CRTAC1: variants seen among roughly 807,000 people sequenced by gnomAD.
The protein encoded by CRTAC1 is cartilage acidic protein 1.
CRTAC1 carries 37 observed loss-of-function variants against 67.8 expected under a neutral mutation model. The observed-to-expected ratio is 0.55, with a 90% CI of 0.42 to 0.72. CRTAC1 has a LOEUF of 0.72. Ranked by LOEUF, CRTAC1 falls within the 30% of genes least tolerant of loss-of-function variation. The probability of loss-of-function intolerance (pLI) is 0.00; values close to 1 mark genes in which losing one functional copy is unlikely to be tolerated. For missense variants in CRTAC1, 780 were observed against 931.6 expected (o/e 0.84, Z 2.12); for synonymous variants, 348 against 371.0 (o/e 0.94, Z 0.71).
At chr10:98,016,642 T>C (rs1402104016) in intron 1 of CRTAC1, among the ~76,000 whole-genome samples, 1 of 152,134 alleles carries the variant, frequency 6.6e-6, no homozygotes, top group East Asian at 1.9e-4. Context: ...CCAGGTCCCT[T>C]ACCCAGTTTC....
intron 2 of CRTAC1, among the ~76,000 whole-genome samples, chr10:97,996,794 T>C (rs565206800): frequency 3.3e-5 from 5 of 152,318 alleles, no homozygotes; most frequent in East Asian, 1.9e-4. Flanking sequence ...TGTATGTTTA[T>C]TGCAGCACTA....
intron 13 of CRTAC1, among the ~76,000 whole-genome samples, chr10:97,880,805 G>T (rs1477906432): frequency 1.3e-5 from 2 of 151,998 alleles, no homozygotes; most frequent in African/African-American, 2.4e-5. Context: ...ATTCTGCCCT[G>T]CCCTGCCCAT....
chr10:97,867,621 C>T (rs928640643), intron 14 of CRTAC1: 2 of 152,334 alleles, frequency 1.3e-5, no homozygotes, highest in Admixed American at 6.5e-5. Flanking sequence ...CTATGCCCTC[C>T]CTGGGCCCCT....
chr10:97,924,711 A>T (rs530608097), intron 3 of CRTAC1, among the ~76,000 whole-genome samples: 30 of 152,310 alleles, frequency 2.0e-4, no homozygotes, highest in African/African-American at 7.2e-4. Flanking sequence ...TGGTCCCCCC[A>T]CCAAAGTGGT....
intron 11 of CRTAC1, among the ~76,000 whole-genome samples, chr10:97,889,125 A>G (rs1266857480): frequency 1.6e-3 from 5 of 3,202 alleles, no homozygotes; most frequent in South Asian, 7.7e-3. Flanking sequence ...TGGAGGCGGG[A>G]GGGAAGGGGG....
intron 2 of CRTAC1, among the ~76,000 whole-genome samples, chr10:97,967,647 C>G (rs1046083404): frequency 6.6e-6 from 1 of 152,254 alleles, no homozygotes; most frequent in East Asian, 1.9e-4. Flanking sequence ...AACTCTAATC[C>G]ATTACCACAT....
At chr10:97,867,637 G>T (rs1263662792) in intron 14 of CRTAC1, 2 of 152,172 alleles carry the variant, frequency 1.3e-5, no homozygotes, top group African/African-American at 4.8e-5. Flanking sequence ...CCCCTGTGGG[G>T]CTGGGCATTG....
At chr10:97,905,372 C>T (rs1340770743) in intron 6 of CRTAC1, among the ~76,000 whole-genome samples, 1 of 152,166 alleles carries the variant, frequency 6.6e-6, no homozygotes, top group Non-Finnish European at 1.5e-5. Context: ...GGATGCTCTC[C>T]CTCTAGCTCT....
At chr10:97,876,163 A>G (rs1039025092) in intron 14 of CRTAC1, among the ~76,000 whole-genome samples, 11 of 152,134 alleles carry the variant, frequency 7.2e-5, no homozygotes, top group African/African-American at 2.4e-4. Context: ...CACCATCCCA[A>G]ATGAAGAAGG....
At chr10:98,008,127 C>T (rs1052492659) in intron 2 of CRTAC1, among the ~76,000 whole-genome samples, 1 of 152,148 alleles carries the variant, frequency 6.6e-6, no homozygotes, top group Admixed American at 6.5e-5. Flanking sequence ...TACCAAACAG[C>T]TCTGCTTCTT....
intron 9 of CRTAC1, 76 bp downstream of exon 9, chr10:97,896,832 GT>G: frequency 3.7e-6 from 1 of 266,846 alleles, no homozygotes; most frequent in Non-Finnish European, 8.1e-6. Context: ...TGGCTGCCCC[GT>G]CCCTCCCGCC....
intron 14 of CRTAC1, among the ~76,000 whole-genome samples, chr10:97,875,527 T>G (rs1248951811): frequency 3.9e-5 from 6 of 152,242 alleles, no homozygotes; most frequent in African/African-American, 1.4e-4. Context: ...AGGATATGCC[T>G]GTTGCTACAG....
intron 14 of CRTAC1, chr10:97,879,855 GGGGACGGGGT>G: frequency 6.5e-6 from 8 of 1,238,376 alleles, no homozygotes; most frequent in East Asian, 5.3e-5. Context: ...GAAAGGGGGT[GGGGACGGGGT>G]GGGGGTGGAG....
rs1046883610 is a variant in CRTAC1, at chr10:97,895,637, C to T, written c.1318-224G>A. On this transcript the variant is annotated intron_variant, in intron 10 of 14. Coordinates refer to ENST00000370597, the MANE Select transcript of CRTAC1 (RefSeq NM_018058.7). The surrounding 1 kb of genome is among the most constrained non-coding windows in gnomAD (Gnocchi z 4.2). ...CACTGCAGACAGAGGAGACAAAAGC[C>T]GAGGGACTCAGGGCACAGTGTTTGG... Among the ~76,000 whole-genome samples the T allele has an allele frequency of 4.6e-5, 7 of 152,280 alleles. No individual in the cohort carries two copies. The highest frequency in any genetic ancestry group is 1.3e-4 in the Admixed American group (2 of 15,302).
intron 5 of CRTAC1, among the ~76,000 whole-genome samples, chr10:97,909,478 C>T (rs2136576945): frequency 6.6e-6 from 1 of 152,280 alleles, no homozygotes; most frequent in Non-Finnish European, 1.5e-5. Context: ...GCTTTTTCTA[C>T]TTTGGGGTTT....
chr10:97,935,092 G>A (rs1056936632), intron 3 of CRTAC1, among the ~76,000 whole-genome samples: 2 of 152,180 alleles, frequency 1.3e-5, no homozygotes, highest in Admixed American at 1.3e-4. Flanking sequence ...TGAGGACATA[G>A]GGTTGAGGAA....
At chr10:97,881,571 C>G (rs935236209) in intron 13 of CRTAC1, among the ~76,000 whole-genome samples, 3 of 152,340 alleles carry the variant, frequency 2.0e-5, no homozygotes, top group African/African-American at 4.8e-5. Context: ...CAGCATGACA[C>G]TTGCTGTGTA....
intron 2 of CRTAC1, among the ~76,000 whole-genome samples, chr10:98,002,945 A>AT (rs375245134): frequency 0.017 from 2,516 of 143,798 alleles, 35 homozygotes; most frequent in Middle Eastern, 0.039. Context: ...CACCCAGCTA[A>AT]TTTTTTTTTT....
At chr10:97,934,577 AAC>A (rs1347147019) in intron 3 of CRTAC1, among the ~76,000 whole-genome samples, 6 of 152,198 alleles carry the variant, frequency 3.9e-5, no homozygotes, top group Non-Finnish European at 8.8e-5. Context: ...GTTTGGGCTC[AAC>A]AACCAGTAAT....
Sources: gnomAD v4.1 joint callset for allele counts (sites outside exome capture counted in the v4.1 genomes callset) on GRCh38, gnomAD v4.1.1 for gene constraint, Gnocchi (gnomAD v3.1) non-coding constraint, MANE v1.5 for transcripts, NCBI Gene and HGNC (gene_info 2026-07-23, HGNC 2026-07-21) for gene names.